The following SLC17A1 variants were observed in gnomAD, a reference collection of about 807,000 sequenced individuals.
SLC17A1 encodes sodium-dependent phosphate transport protein 1.
A neutral mutation model predicts 53.5 loss-of-function variants in SLC17A1; 51 were observed. The ratio of observed to expected loss-of-function variants is 0.95; its 90% CI spans 0.76 to 1.20. SLC17A1 has a LOEUF of 1.20. Among genes scored for constraint, SLC17A1 ranks in the 50% most tolerant of loss-of-function variants. The probability of loss-of-function intolerance (pLI) is 0.00; values close to 1 mark genes in which losing one functional copy is unlikely to be tolerated. For missense variants in SLC17A1, 538 were observed against 568.2 expected (o/e 0.95, Z 0.54); for synonymous variants, 179 against 198.8 (o/e 0.90, Z 0.84).
chr6:25,726,324 G>A, the SLC17A1 span: 13 of 1,613,996 alleles, frequency 8.1e-6, no homozygotes, highest in South Asian at 3.3e-5. Context: ...GAGACGCATT[G>A]CCTGCCAGCT....
chr6:25,827,682 T>C (rs1464829550), intron 2 of SLC17A1, among the ~76,000 whole-genome samples: 5 of 152,228 alleles, frequency 3.3e-5, no homozygotes, highest in South Asian at 2.1e-4. Context: ...ACTGCATAAT[T>C]TCGCTATTTA....
chr6:25,766,081 C>T, the SLC17A1 span, among the ~76,000 whole-genome samples: 3 of 150,316 alleles, frequency 2.0e-5, no homozygotes, highest in African/African-American at 7.3e-5. Flanking sequence ...ATTATAAAAA[C>T]TTTAATTACA....
At chr6:25,762,163 C>A in the SLC17A1 span, 1 of 851,040 alleles carries the variant, frequency 1.2e-6, no homozygotes, top group Non-Finnish European at 1.8e-6. Flanking sequence ...TGATACACAT[C>A]ATTTTCCTTG....
chr6:25,741,551 C>T, the SLC17A1 span, among the ~76,000 whole-genome samples: 1 of 151,858 alleles, frequency 6.6e-6, no homozygotes, highest in African/African-American at 2.4e-5. Context: ...CCTGTCTGTA[C>T]TGAAGATACA....
At chr6:25,764,757 G>C in the SLC17A1 span, among the ~76,000 whole-genome samples, 1 of 152,174 alleles carries the variant, frequency 6.6e-6, no homozygotes, top group African/African-American at 2.4e-5. Context: ...GGTGAAGCGT[G>C]CATGGGTCCA....
intron 12 of SLC17A1, among the ~76,000 whole-genome samples, chr6:25,784,362 T>C (rs1340617106): frequency 1.3e-5 from 2 of 152,192 alleles, no homozygotes; most frequent in Admixed American, 6.5e-5. Flanking sequence ...TTCTGCAGGC[T>C]GTACAAGAAG....
At chr6:25,817,436 C>G (rs1483249963) in intron 6 of SLC17A1, among the ~76,000 whole-genome samples, 1 of 152,164 alleles carries the variant, frequency 6.6e-6, no homozygotes, top group Non-Finnish European at 1.5e-5. Flanking sequence ...TCCTAAACAG[C>G]TGTCATCTAA....
the SLC17A1 span, chr6:25,732,708 A>T: frequency 7.5e-7 from 1 of 1,330,434 alleles, no homozygotes; most frequent in Non-Finnish European, 1.0e-6. Context: ...AACGACAAGG[A>T]GCTCGACAAG....
chr6:25,787,694 T>C (rs977445671), intron 12 of SLC17A1, among the ~76,000 whole-genome samples: 10 of 152,244 alleles, frequency 6.6e-5, no homozygotes, highest in African/African-American at 2.2e-4. Flanking sequence ...CTATTTGAGT[T>C]ATTCTTTCAG....
At chr6:25,816,420 T>A (rs1169507274) in intron 6 of SLC17A1, among the ~76,000 whole-genome samples, 1 of 152,250 alleles carries the variant, frequency 6.6e-6, no homozygotes, top group African/African-American at 2.4e-5. Context: ...CTTGGTTCTA[T>A]TTAAGCAAGA....
At chr6:25,748,538 GAGACTGAGAAAAGAAATA>G in the SLC17A1 span, among the ~76,000 whole-genome samples, 1 of 152,206 alleles carries the variant, frequency 6.6e-6, no homozygotes, top group South Asian at 2.1e-4. Context: ...GGTGGGACGA[GAGACTGAGAAAAGAAATA>G]AGACACACAG....
At chr6:25,823,043 T>C (rs2034730440) in intron 3 of SLC17A1, among the ~76,000 whole-genome samples, 1 of 152,174 alleles carries the variant, frequency 6.6e-6, no homozygotes, top group African/African-American at 2.4e-5. Context: ...ATTAAGGGAA[T>C]GCTACGGTAT....
At chr6:25,759,448 T>TC in the SLC17A1 span, among the ~76,000 whole-genome samples, 1 of 152,218 alleles carries the variant, frequency 6.6e-6, no homozygotes, top group Non-Finnish European at 1.5e-5. Context: ...TTCTTAGGTC[T>TC]AGTAGTAATT....
the SLC17A1 span, among the ~76,000 whole-genome samples, chr6:25,749,457 A>G: frequency 1.3e-5 from 2 of 151,900 alleles, no homozygotes; most frequent in Non-Finnish European, 2.9e-5. Context: ...TAACAGTCTG[A>G]TCTCTTTTTC....
chr6:25,819,550 G>T lies in SLC17A1; in HGVS notation c.490C>A (p.Pro164Thr). ...QFEIYVKWAP[P>T]LERGRLTSMS... Reference sequence around the variant, plus strand: ...GAAGTAAGTCGGCCTCGTTCCAGGGGAGGAGCCCATTTGACATATATTTCA... The same window carrying T: ...GAAGTAAGTCGGCCTCGTTCCAGGGTAGGAGCCCATTTGACATATATTTCA... The change falls in exon 5 of 13, where the codon CCC becomes ACC. Residue 164 changes from proline to threonine, a missense_variant. Coordinates refer to ENST00000244527, the MANE Select transcript of SLC17A1 (RefSeq NM_005074.5). 6.2e-7 allele frequency: 1 copy of T among 1,614,136 alleles called. No individual in the cohort carries two copies. The highest frequency in any genetic ancestry group is 8.5e-7 in the Non-Finnish European group (1 of 1,179,988).
the SLC17A1 span, chr6:25,726,210 G>A: frequency 4.3e-5 from 70 of 1,610,368 alleles, 1 homozygote; most frequent in African/African-American, 6.7e-5. Flanking sequence ...GCAGGACTCC[G>A]CCCTGGGCAA....
the SLC17A1 span, among the ~76,000 whole-genome samples, chr6:25,773,955 T>C: frequency 0.058 from 8,778 of 152,244 alleles, 457 homozygotes; most frequent in African/African-American, 0.14. Flanking sequence ...ATTTATCATA[T>C]TTTAAGGGCC....
At chr6:25,802,801 A>T (rs985215547) in intron 10 of SLC17A1, among the ~76,000 whole-genome samples, 2 of 150,336 alleles carry the variant, frequency 1.3e-5, no homozygotes, top group African/African-American at 2.5e-5. Flanking sequence ...GTTCTCTCTC[A>T]GTCTCTCTCT....
At chr6:25,770,152 G>C in the SLC17A1 span, 3 of 1,614,056 alleles carry the variant, frequency 1.9e-6, no homozygotes, top group Non-Finnish European at 2.5e-6. Flanking sequence ...CCAATCCCCA[G>C]TGGCTATGTG....
Sources: allele counts gnomAD v4.1 joint callset (sites outside exome capture counted in the v4.1 genomes callset), GRCh38; gene constraint gnomAD v4.1.1; transcripts MANE v1.5; gene names NCBI Gene and HGNC (gene_info 2026-07-23, HGNC 2026-07-21).